The following PDZRN4 variants were observed in gnomAD, a reference collection of about 807,000 sequenced individuals.
The protein encoded by PDZRN4 is PDZ domain containing ring finger 4, also known as PDZ domain-containing RING finger protein 4.
A neutral mutation model predicts 99.0 loss-of-function variants in PDZRN4; 70 were observed. The observed-to-expected ratio is 0.71, with a 90% CI of 0.58 to 0.86. The LOEUF is 0.86. Ranked by LOEUF, PDZRN4 falls within the 40% of genes least tolerant of loss-of-function variation. The pLI, the probability that PDZRN4 is intolerant of heterozygous loss-of-function variation, is 0.00. For synonymous variants in PDZRN4, 551 were observed against 501.6 expected (o/e 1.10, Z -1.32); for missense variants, 1,474 against 1,331.2 (o/e 1.11, Z -1.67).
intron 3 of PDZRN4, among the ~76,000 whole-genome samples, chr12:41,202,883 A>G (rs1950826694): frequency 6.6e-6 from 1 of 152,098 alleles, no homozygotes; most frequent in Non-Finnish European, 1.5e-5. Flanking sequence ...CTGACAAAAT[A>G]TATAATGTTA....
In PDZRN4 at chr12:41,295,802, T is replaced by C. The variant is rs375116770; in HGVS notation, c.843+101614T>C. On this transcript the variant is annotated intron_variant, in intron 3 of 9. Coordinates refer to ENST00000402685, the MANE Select transcript of PDZRN4 (RefSeq NM_001164595.2). ...AATTGAAGCAAAAACAAACATCAAA[T>C]GTACGGTAAAGCTTGGGTGGAAGAA... 1.9e-4 allele frequency among the ~76,000 whole-genome samples: 29 copies of C among 152,232 alleles called. 1 individual carries two copies. Among genetic ancestry groups the C allele is most frequent in the African/African-American group, 6.7e-4 (28 of 41,540 alleles).
intron 5 of PDZRN4, among the ~76,000 whole-genome samples, chr12:41,514,473 G>T (rs920076243): frequency 1.3e-5 from 2 of 151,832 alleles, no homozygotes; most frequent in Non-Finnish European, 2.9e-5. Flanking sequence ...CATATTTTTT[G>T]AGCAACTTCA....
At chr12:41,568,811 A>ATT (rs1939424733) in intron 9 of PDZRN4, among the ~76,000 whole-genome samples, 2 of 88,098 alleles carry the variant, frequency 2.3e-5, no homozygotes, top group East Asian at 2.7e-4. Context: ...TATGTATTTT[A>ATT]TTATATATAT....
chr12:41,454,658 A>G (rs770458067), intron 3 of PDZRN4, among the ~76,000 whole-genome samples: 1 of 152,160 alleles, frequency 6.6e-6, no homozygotes, highest in Non-Finnish European at 1.5e-5. Flanking sequence ...ATATTCTAGG[A>G]CTTTGACCAT....
intron 3 of PDZRN4, among the ~76,000 whole-genome samples, chr12:41,212,599 ACTGTGC>A (rs374235989): frequency 1.3e-5 from 2 of 152,036 alleles, no homozygotes; most frequent in African/African-American, 4.8e-5. Flanking sequence ...TGAGCCAGCT[ACTGTGC>A]TAATACTAGT....
chr12:41,235,845 G>A (rs1044572051), intron 3 of PDZRN4, among the ~76,000 whole-genome samples: 1 of 152,110 alleles, frequency 6.6e-6, no homozygotes, highest in African/African-American at 2.4e-5. Context: ...TGTTTAACCA[G>A]CTTGAACATT....
intron 3 of PDZRN4, among the ~76,000 whole-genome samples, chr12:41,245,199 C>A (rs187358813): frequency 6.6e-6 from 1 of 152,074 alleles, no homozygotes; most frequent in Non-Finnish European, 1.5e-5. Flanking sequence ...TACACTTCCC[C>A]GAGCAAAAGA....
intron 5 of PDZRN4, among the ~76,000 whole-genome samples, chr12:41,522,037 C>T (rs1372010817): frequency 6.6e-6 from 1 of 152,068 alleles, no homozygotes; most frequent in African/African-American, 2.4e-5. Context: ...CCAGGAAGTT[C>T]ATAATCCTTA....
At chr12:41,276,805 T>C (rs1424631344) in intron 3 of PDZRN4, among the ~76,000 whole-genome samples, 1 of 152,170 alleles carries the variant, frequency 6.6e-6, no homozygotes, top group African/African-American at 2.4e-5. Flanking sequence ...GGCAGGAATG[T>C]TAGCTACTCT....
chr12:41,188,388 G>A lies in PDZRN4; in HGVS notation c.-68G>A. The A allele has an allele frequency of 7.1e-7, 1 of 1,401,430 alleles. No homozygotes were observed. The highest frequency in any genetic ancestry group is 9.4e-7 in the Non-Finnish European group (1 of 1,068,416). 86.8% of individuals were successfully genotyped at this position (1,401,430 alleles called of 1,614,324 possible). ...GAGACGGCTGCCCCGGGGGTGGCCC[G>A]GGGAAGGCAGGGGGGCTCGGAGAAG... is the stretch of plus-strand genomic sequence containing the variant. On this transcript the variant is annotated 5_prime_UTR_variant, in exon 1 of 10. Transcript: ENST00000402685.
intron 5 of PDZRN4, among the ~76,000 whole-genome samples, chr12:41,531,468 C>T (rs1284798532): frequency 6.6e-6 from 1 of 152,204 alleles, no homozygotes; most frequent in East Asian, 1.9e-4. Flanking sequence ...CCAATCTGCT[C>T]CTCCTGAGGT....
At chr12:41,226,563 AT>A (rs922841631) in intron 3 of PDZRN4, among the ~76,000 whole-genome samples, 1 of 152,024 alleles carries the variant, frequency 6.6e-6, no homozygotes, top group Non-Finnish European at 1.5e-5. Flanking sequence ...AAAAAAAAAA[AT>A]GAACGTAAGG....
chr12:41,230,932 A>G (rs77792039), intron 3 of PDZRN4, among the ~76,000 whole-genome samples: 2,619 of 152,202 alleles, frequency 0.017, 40 homozygotes, highest in East Asian at 0.059. Context: ...AAATAACAAT[A>G]TACTCTTTGT....
intron 6 of PDZRN4, 123 bp from the exon 7 acceptor site, chr12:41,555,575 A>T: frequency 1.4e-6 from 1 of 710,266 alleles, no homozygotes; most frequent in Non-Finnish European, 2.5e-6. Flanking sequence ...TATTATGTAT[A>T]CTGTCACAAA....
chr12:41,308,111 T>A (rs1432573982), intron 3 of PDZRN4, among the ~76,000 whole-genome samples: 1 of 152,152 alleles, frequency 6.6e-6, no homozygotes, highest in African/African-American at 2.4e-5. Flanking sequence ...CAAAAAATAA[T>A]TTTTTACTTA....
At chr12:41,315,450 A>G (rs955300681) in intron 3 of PDZRN4, among the ~76,000 whole-genome samples, 3 of 152,200 alleles carry the variant, frequency 2.0e-5, no homozygotes, top group African/African-American at 7.2e-5. Flanking sequence ...ATGAGAGCAC[A>G]TAAACACTAC....
At chr12:41,291,617 C>A (rs974319320) in intron 3 of PDZRN4, among the ~76,000 whole-genome samples, 4 of 152,068 alleles carry the variant, frequency 2.6e-5, no homozygotes, top group Non-Finnish European at 5.9e-5. Flanking sequence ...AGTAGGTGCT[C>A]AATACACTAT....
At chr12:41,490,874 C>T (rs929461298) in intron 3 of PDZRN4, among the ~76,000 whole-genome samples, 1 of 152,096 alleles carries the variant, frequency 6.6e-6, no homozygotes, top group Non-Finnish European at 1.5e-5. Flanking sequence ...TCTCACCCTT[C>T]AAAGTCCATC....
intron 3 of PDZRN4, among the ~76,000 whole-genome samples, chr12:41,493,348 T>A (rs945032627): frequency 6.6e-6 from 1 of 152,158 alleles, no homozygotes; most frequent in African/African-American, 2.4e-5. Context: ...AGATGTTAAT[T>A]GTTTGAAGGA....
Sources: allele counts gnomAD v4.1 joint callset (sites outside exome capture counted in the v4.1 genomes callset), GRCh38; gene constraint gnomAD v4.1.1; transcripts MANE v1.5; gene names NCBI Gene and HGNC (gene_info 2026-07-23, HGNC 2026-07-21).